Variants in LRRC69 observed in about 807,000 individuals in gnomAD.
The protein encoded by LRRC69 is leucine-rich repeat-containing protein 69.
LRRC69 carries 42 observed loss-of-function variants against 37.8 expected under a neutral mutation model. That is an observed-to-expected ratio of 1.11 (90% CI 0.87 to 1.44). The LOEUF is 1.44. Ranked by LOEUF, LRRC69 falls within the 40% of genes most tolerant of loss-of-function variation. The probability of loss-of-function intolerance (pLI) is 0.00; values close to 1 mark genes in which losing one functional copy is unlikely to be tolerated. For synonymous variants in LRRC69, 141 were observed against 143.1 expected, an observed-to-expected ratio of 0.99 and a Z score of 0.11; for missense variants, 357 against 401.9, an observed-to-expected ratio of 0.89 and a Z score of 0.96.
intron 4 of LRRC69, among the ~76,000 whole-genome samples, chr8:91,135,068 A>G (rs1443561920): frequency 3.9e-5 from 6 of 152,072 alleles, no homozygotes; most frequent in Non-Finnish European, 1.5e-5. Context: ...AGTGTTTTCA[A>G]GTAGGGTGGA....
rs114093397 is a variant in LRRC69 at position 91,103,136 on chromosome 8, G to A, written c.183+292G>A. Among the ~76,000 whole-genome samples, 774 of 152,268 alleles carry A rather than the reference G, an allele frequency of 5.1e-3. 10 individuals are homozygous for A. Among genetic ancestry groups the A allele is most frequent in the African/African-American group, 0.018 (738 of 41,544 alleles). On this transcript the variant is annotated intron_variant, in intron 1 of 7. Transcript: ENST00000448384. Reference sequence around the variant, plus strand: ...TTTTAGAGGCTGTCATCTGGAAAGGGGTTGGAAACCTGGATCTGGTCGTCT... The same window carrying A: ...TTTTAGAGGCTGTCATCTGGAAAGGAGTTGGAAACCTGGATCTGGTCGTCT...
chr8:91,212,417 A>C (rs1809946367), intron 7 of LRRC69, among the ~76,000 whole-genome samples: 1 of 152,150 alleles, frequency 6.6e-6, no homozygotes, highest in Admixed American at 6.5e-5. Flanking sequence ...CCCTGTATTA[A>C]ATGATGTAAT....
At chr8:91,209,939 C>T (rs1809877129) in intron 7 of LRRC69, among the ~76,000 whole-genome samples, 2 of 152,108 alleles carry the variant, frequency 1.3e-5, no homozygotes, top group African/African-American at 2.4e-5. Flanking sequence ...ATGCAAGGTA[C>T]TATGCTAAGC....
rs1324209005 is a variant in LRRC69, at chr8:91,158,695, A to C, written c.651+22956A>C. 2.6e-6 allele frequency: 3 copies of C among 1,172,232 alleles called. No individual in the cohort carries two copies. In the African/African-American group the frequency reaches 4.5e-5, roughly 18 times the overall value. 72.6% of individuals were successfully genotyped at this position (1,172,232 alleles called of 1,614,324 possible). A position where few individuals can be genotyped will look rare whatever the true frequency, so the allele number is the denominator to read the frequency against. ...CACTGCCATGTGACTGACCACATTC[A>C]TGCTGGAATGGAAACCACTTACATT... is the stretch of plus-strand genomic sequence containing the variant. On this transcript the variant is annotated intron_variant, in intron 5 of 7. Coordinates refer to ENST00000448384, the Ensembl canonical transcript of LRRC69.
chr8:91,114,240 A>G (rs1316856054), intron 1 of LRRC69, among the ~76,000 whole-genome samples: 1 of 151,978 alleles, frequency 6.6e-6, no homozygotes, highest in East Asian at 1.9e-4. Context: ...TCATTATGGA[A>G]AGAGTATGAA....
intron 5 of LRRC69, among the ~76,000 whole-genome samples, chr8:91,148,775 C>T (rs1197940517): frequency 6.6e-6 from 1 of 152,090 alleles, no homozygotes; most frequent in East Asian, 1.9e-4. Context: ...GATTGCCATT[C>T]TAACTGGTGT....
intron 6 of LRRC69, among the ~76,000 whole-genome samples, chr8:91,196,638 A>G (rs201030487): frequency 1.1e-4 from 17 of 152,010 alleles, no homozygotes; most frequent in Admixed American, 7.2e-4. Flanking sequence ...TGATCGCATC[A>G]GCTCCTGAGG....
intron 6 of LRRC69, among the ~76,000 whole-genome samples, chr8:91,198,548 T>C (rs962569212): frequency 1.4e-5 from 2 of 145,534 alleles, no homozygotes; most frequent in Non-Finnish European, 3.0e-5. Context: ...ATATAATTTT[T>C]ATGTGTATAA....
chr8:91,112,476 A>G (rs890554029), intron 1 of LRRC69, among the ~76,000 whole-genome samples: 10 of 152,074 alleles, frequency 6.6e-5, no homozygotes, highest in Admixed American at 5.2e-4. Context: ...TAACAAAACG[A>G]AAGAAAAAAA....
intron 1 of LRRC69, among the ~76,000 whole-genome samples, chr8:91,103,488 T>G (rs950211394): frequency 6.6e-6 from 1 of 152,016 alleles, no homozygotes; most frequent in Non-Finnish European, 1.5e-5. Flanking sequence ...AATGTGAAAC[T>G]CTAGCTGCCA....
chr8:91,190,895 A>G (rs1809482093), intron 6 of LRRC69, among the ~76,000 whole-genome samples: 1 of 152,018 alleles, frequency 6.6e-6, no homozygotes, highest in Non-Finnish European at 1.5e-5. Context: ...TCTCTACAAA[A>G]TTTTAAAAAC....
intron 7 of LRRC69, among the ~76,000 whole-genome samples, chr8:91,204,091 C>T (rs547556771): frequency 1.4e-5 from 2 of 146,634 alleles, no homozygotes; most frequent in Non-Finnish European, 3.0e-5. Flanking sequence ...CACTGCACTC[C>T]AGCCTGGGCA....
intron 6 of LRRC69, among the ~76,000 whole-genome samples, chr8:91,196,859 G>A (rs867002166): frequency 1.2e-4 from 19 of 152,160 alleles, no homozygotes; most frequent in Middle Eastern, 3.2e-3. Context: ...GTTGTTCTCC[G>A]TCCAGCTTTG....
intron 5 of LRRC69, among the ~76,000 whole-genome samples, chr8:91,185,764 C>T (rs1809398024): frequency 6.6e-6 from 1 of 151,752 alleles, no homozygotes; most frequent in African/African-American, 2.4e-5. Context: ...CTTTTCCCCC[C>T]TCCTTGAAAC....
rs534944726 is a variant in LRRC69, at chr8:91,107,415, G to A, written c.183+4571G>A. On this transcript the variant is annotated intron_variant, in intron 1 of 7. Transcript: ENST00000448384. ...GCCTCCCAAAGTGCTGGGATTACAGGCATGAGCCACCACGCCCGGCCCATA... is the reference window on the plus strand; with the variant it reads ...GCCTCCCAAAGTGCTGGGATTACAGACATGAGCCACCACGCCCGGCCCATA... Among the ~76,000 whole-genome samples the A allele has an allele frequency of 1.2e-3, 186 of 152,028 alleles. 2 individuals are homozygous for A. Among genetic ancestry groups the A allele is most frequent in the Non-Finnish European group, 2.1e-3 (142 of 68,012 alleles).
At chr8:91,142,408 T>G (rs1275451383) in intron 5 of LRRC69, among the ~76,000 whole-genome samples, 1 of 152,128 alleles carries the variant, frequency 6.6e-6, no homozygotes, top group Non-Finnish European at 1.5e-5. Context: ...TTTGCTGTTA[T>G]CTAAAAATTT....
rs574625066 is a variant in LRRC69 at position 91,131,055 on chromosome 8, A to G, written c.384-2055A>G. Among the ~76,000 whole-genome samples the G allele has an allele frequency of 2.0e-4, 30 of 152,152 alleles. No individual in the cohort carries two copies. In the South Asian group the frequency reaches 2.3e-3, roughly 12 times the overall value. On this transcript the variant is annotated intron_variant, in intron 3 of 7. Coordinates refer to ENST00000448384, the Ensembl canonical transcript of LRRC69. Reference sequence around the variant, plus strand: ...AACATATGAATTTTGAAGAGACACAAATATTCAGACCATAGCACTGTCATT... The same window carrying G: ...AACATATGAATTTTGAAGAGACACAGATATTCAGACCATAGCACTGTCATT...
At chr8:91,140,562 T>TA (rs1473476820) in intron 5 of LRRC69, among the ~76,000 whole-genome samples, 3 of 151,604 alleles carry the variant, frequency 2.0e-5, no homozygotes, top group African/African-American at 7.3e-5. Context: ...CATAAAGAAA[T>TA]ACGTGTCTTG....
At chr8:91,197,625 C>A (rs940394758) in intron 6 of LRRC69, among the ~76,000 whole-genome samples, 1 of 152,162 alleles carries the variant, frequency 6.6e-6, no homozygotes, top group Admixed American at 6.5e-5. Flanking sequence ...GTCCGACACC[C>A]CTTTCTTTGA....
Sources: allele counts gnomAD v4.1 joint callset (sites outside exome capture counted in the v4.1 genomes callset), GRCh38; gene constraint gnomAD v4.1.1; transcripts MANE v1.5; gene names NCBI Gene and HGNC (gene_info 2026-07-23, HGNC 2026-07-21).